Variants in VPS11 observed in about 807,000 individuals in gnomAD.
VPS11 encodes the protein VPS11 core subunit of CORVET and HOPS complexes.
Under a neutral mutation model 106.8 loss-of-function variants are expected in VPS11, and 51 were observed. That is an observed-to-expected ratio of 0.48 (90% CI 0.38 to 0.60). The LOEUF is 0.60. Ranked by LOEUF, VPS11 falls within the 20% of genes least tolerant of loss-of-function variation. The pLI is 0.00. For synonymous variants in VPS11, 453 were observed against 458.7 expected (o/e 0.99, Z 0.16); for missense variants, 950 against 1,190.0 (o/e 0.80, Z 2.97).
chr11:119,074,341 C>G (rs1031075027), intron 7 of VPS11, among the ~76,000 whole-genome samples: 16 of 152,254 alleles, frequency 1.1e-4, no homozygotes, highest in African/African-American at 3.9e-4. Context: ...CCGCTTCAGC[C>G]TCCCAAAGTG....
chr11:119,081,734 C>A lies in VPS11; in HGVS notation c.*111C>A. 5 of 1,379,012 alleles carry A rather than the reference C, an allele frequency of 3.6e-6. No homozygotes were observed. Among genetic ancestry groups the A allele is most frequent in the Non-Finnish European group, 4.9e-6 (5 of 1,025,966 alleles). The allele number at this position is 1,379,012 out of a possible 1,614,324, so 85.4% of individuals were successfully genotyped here. On this transcript the variant is annotated 3_prime_UTR_variant, in exon 16 of 16. Coordinates refer to ENST00000621676, the MANE Select transcript of VPS11 (RefSeq NM_021729.6). ...GCTGACATGCCCAGGGCTCCACTCTCATCTAATGTCACAGCCCTCAGAACT... is the reference window on the plus strand; with the variant it reads ...GCTGACATGCCCAGGGCTCCACTCTAATCTAATGTCACAGCCCTCAGAACT...
chr11:119,079,382 G>A, intron 14 of VPS11, 82 bp downstream of exon 14: 5 of 1,450,936 alleles, frequency 3.4e-6, no homozygotes, highest in Non-Finnish European at 4.6e-6. Flanking sequence ...ACTTTCCGTA[G>A]AGGATACTAT....
intron 8 of VPS11, 94 bp downstream of exon 8, chr11:119,077,177 A>T: frequency 6.9e-7 from 1 of 1,452,478 alleles, no homozygotes; most frequent in Non-Finnish European, 9.4e-7. Context: ...ACATAGGGAG[A>T]GGAAAGGGCT....
intron 8 of VPS11, 46 bp from the exon 9 acceptor site, chr11:119,077,455 C>G: frequency 1.3e-6 from 2 of 1,592,604 alleles, no homozygotes; most frequent in South Asian, 1.1e-5. Context: ...TCTCCCTTCT[C>G]TATCTCCCTC....
rs1432570352 is a variant in VPS11 at position 119,075,476 on chromosome 11, G to A, written c.1239-1421G>A. 5.7e-4 allele frequency among the ~76,000 whole-genome samples: 87 copies of A among 151,460 alleles called. 1 individual carries two copies. Among genetic ancestry groups the A allele is most frequent in the African/African-American group, 1.8e-3 (75 of 41,250 alleles). On this transcript the variant is annotated intron_variant, in intron 7 of 15. Transcript: ENST00000621676. ...TCCCAGCACTTTGGGAGGCCAAGGC[G>A]GGTGGATCACTTGAGGTTAGGAGTT...
intron 6 of VPS11, 158 bp downstream of exon 6, chr11:119,073,557 G>A (rs1945482679): frequency 4.9e-6 from 5 of 1,029,816 alleles, no homozygotes; most frequent in Admixed American, 2.8e-5. Flanking sequence ...GGCCTGGGAT[G>A]GGGCTTTAGA....
rs1265912279 is a variant in VPS11 at position 119,078,433 on chromosome 11, C to T, written c.1923+99C>T. 3.2e-6 allele frequency: 5 copies of T among 1,569,898 alleles called. No homozygotes were observed. In the African/African-American group the frequency reaches 4.0e-5, roughly 13 times the overall value. ...TTCACTGCATTCCTTAGACCAGTAA[C>T]ACCTTACCTCGGGGCTCAATGGTCC... On this transcript the variant is annotated intron_variant, in intron 11 of 15. Coordinates refer to ENST00000621676, the MANE Select transcript of VPS11 (RefSeq NM_021729.6).
In VPS11 at chr11:119,078,030, C is replaced by A; in HGVS notation, c.1725C>A (p.Leu575=). Residue 575 remains leucine, a synonymous_variant, in exon 10 of 16, where the codon CTC becomes CTA. Coordinates refer to ENST00000621676, the MANE Select transcript of VPS11 (RefSeq NM_021729.6). ...TTTGTACTGATTATCGGCCCAGCCT[C>A]GAAGGCCGCAGCGATAGGGAGGCCC... ...KGLCTDYRPS[L]EGRSDREAPG... is the part of the protein sequence containing the mutation. 2 of 1,612,592 alleles carry A rather than the reference C, an allele frequency of 1.2e-6. No individual in the cohort carries two copies. The highest frequency in any genetic ancestry group is 1.7e-6 in the Non-Finnish European group (2 of 1,179,878).
intron 14 of VPS11, among the ~76,000 whole-genome samples, chr11:119,080,324 C>G (rs1016801848): frequency 4.6e-5 from 7 of 152,038 alleles, no homozygotes; most frequent in Non-Finnish European, 1.0e-4. Context: ...TCCCAAAGTG[C>G]TGGGATTACA....
chr11:119,078,916 C>T lies in VPS11; in HGVS notation c.2185C>T (p.Arg729Cys), dbSNP rs782516203. Residue 729 changes from arginine to cysteine, a missense_variant, in exon 13 of 16, where the codon CGC becomes TGC. Coordinates refer to ENST00000621676, the MANE Select transcript of VPS11 (RefSeq NM_021729.6). ...LWEQALSYFA[R>C]KEEDCKEYVA... Reference sequence around the variant, plus strand: ...GGAGCAGGCCCTCAGCTACTTCGCTCGCAAGGAGGAGGACTGCAAGGAGTA... The same window carrying T: ...GGAGCAGGCCCTCAGCTACTTCGCTTGCAAGGAGGAGGACTGCAAGGAGTA... 1.5e-5 allele frequency: 24 copies of T among 1,613,894 alleles called. No homozygotes were observed. Among genetic ancestry groups the T allele is most frequent in the Admixed American group, 3.3e-5 (2 of 60,012 alleles).
chr11:119,071,576 C>T lies in VPS11; in HGVS notation c.637-20C>T, dbSNP rs782748904. The T allele has an allele frequency of 6.2e-7, 1 of 1,612,594 alleles. No individual in the cohort carries two copies. The highest frequency in any genetic ancestry group is 1.1e-5 in the South Asian group (1 of 91,016). The stretch of plus-strand genomic sequence containing the variant: ...TACCTCCTCAAAGGAGCCTGTTAAC[C>T]CCTTTGTTGCTTCTGGCAGTCCTAT... On this transcript the variant is annotated intron_variant, in intron 4 of 15. Coordinates refer to ENST00000621676, the MANE Select transcript of VPS11 (RefSeq NM_021729.6).
intron 7 of VPS11, among the ~76,000 whole-genome samples, chr11:119,075,542 T>TTAAA (rs1555202803): frequency 5.4e-5 from 6 of 111,604 alleles, no homozygotes; most frequent in Admixed American, 9.1e-5. Flanking sequence ...CTGTCTCCAC[T>TTAAA]AAAAAAAAAA....
At position 119,078,159 on chromosome 11, in the gene VPS11, T is replaced by A. The variant is rs782165270; in HGVS notation, c.1762-14T>A. The stretch of plus-strand genomic sequence containing the variant: ...CACTCATTCAGCCTCCTTTTTCCTC[T>A]CTTGCCATCCTAGGCCAACTCTGAG... On this transcript the variant is annotated splice_polypyrimidine_tract_variant and intron_variant, in intron 10 of 15. Transcript: ENST00000621676. The A allele has an allele frequency of 1.9e-6, 3 of 1,612,236 alleles. No homozygotes were observed. The Admixed American group carries it at 5.0e-5, about 27-fold the overall frequency.
chr11:119,073,340 C>G lies in VPS11; in HGVS notation c.1027C>G (p.Leu343Val). 6.2e-7 allele frequency: 1 copy of G among 1,613,956 alleles called. No homozygotes were observed. The highest frequency in any genetic ancestry group is 8.5e-7 in the Non-Finnish European group (1 of 1,179,898). Residue 343 changes from leucine to valine, a missense_variant, in exon 6 of 16, where the codon CTG (leucine) becomes GTG (valine). Transcript: ENST00000621676. ...VLAEWGSLYV[L>V]TRDGRVHALQ... ...TGCTGAGTGGGGCTCCCTGTACGTG[C>G]TGACGCGGGATGGGCGGGTCCACGC...
At chr11:119,070,084 CAGTG>C (rs1320448076) in intron 3 of VPS11, 146 bp from the exon 4 acceptor site, 3 of 465,854 alleles carry the variant, frequency 6.4e-6, no homozygotes, top group Admixed American at 4.4e-5. Flanking sequence ...GAAAATGTGT[CAGTG>C]AGTACCAATA....
At position 119,078,242 on chromosome 11, in the gene VPS11, A is replaced by G; in HGVS notation, c.1831A>G (p.Met611Val). 6.2e-7 allele frequency: 1 copy of G among 1,613,794 alleles called. No homozygotes were observed. Among genetic ancestry groups the G allele is most frequent in the Non-Finnish European group, 8.5e-7 (1 of 1,179,900 alleles). The change falls in exon 11 of 16, where the codon ATG (methionine) becomes GTG (valine). Residue 611 changes from methionine to valine, a missense_variant. By Grantham distance (21) the Met-to-Val change is conservative. This residue lies in a region of VPS11 where 453 missense variants were observed against 514.6 expected (regional missense o/e 0.88). Coordinates refer to ENST00000621676, the MANE Select transcript of VPS11 (RefSeq NM_021729.6). ...PRELKAFLEH[M>V]SEVQPDSPQG... ...AGAGCTGAAAGCCTTCCTAGAGCAC[A>G]TGAGTGAAGTGCAGCCAGACTCACC...
intron 14 of VPS11, 116 bp downstream of exon 14, chr11:119,079,416 T>C (rs1945767142): frequency 7.7e-7 from 1 of 1,292,946 alleles, no homozygotes; most frequent in Non-Finnish European, 1.0e-6. Flanking sequence ...GCATTTTGAT[T>C]CTTCAAGTTG....
rs116927115 is a variant in VPS11, at chr11:119,071,060, G to A, written c.637-536G>A. On this transcript the variant is annotated intron_variant, in intron 4 of 15. Transcript: ENST00000621676. ...CCTCCCACCTCAGCCTCCTGAGTACGTGGGATTACAGGCATGTGTCACCAT... is the reference window on the plus strand; with the variant it reads ...CCTCCCACCTCAGCCTCCTGAGTACATGGGATTACAGGCATGTGTCACCAT... 8.7e-4 allele frequency among the ~76,000 whole-genome samples: 132 copies of A among 151,544 alleles called. No homozygotes were observed. In the East Asian group the frequency reaches 0.015, roughly 18 times the overall value.
chr11:119,073,999 C>G, intron 7 of VPS11, 48 bp downstream of exon 7: 1 of 1,571,376 alleles, frequency 6.4e-7, no homozygotes, highest in Non-Finnish European at 8.7e-7. Flanking sequence ...CAGGGACAGG[C>G]AGCTAGATAG....
Sources: gnomAD v4.1 joint callset for allele counts (sites outside exome capture counted in the v4.1 genomes callset) on GRCh38, gnomAD v4.1.1 for gene constraint, gnomAD v4.1.1 regional missense constraint, MANE v1.5 for transcripts, NCBI Gene and HGNC (gene_info 2026-07-23, HGNC 2026-07-21) for gene names.